The following POLR2F variants were observed in gnomAD, a reference collection of about 807,000 sequenced individuals.
POLR2F encodes RNA polymerase II, I and III subunit F.
POLR2F carries 12 observed loss-of-function variants against 22.7 expected under a neutral mutation model. The ratio of observed to expected loss-of-function variants is 0.53; its 90% CI spans 0.34 to 0.86. The LOEUF is 0.86. POLR2F is among the 40% of genes least tolerant of loss of function. The probability of loss-of-function intolerance (pLI) is 0.02; values close to 1 mark genes in which losing one functional copy is unlikely to be tolerated. For synonymous variants in POLR2F, 57 were observed against 66.0 expected, an observed-to-expected ratio of 0.86 and a Z score of 0.66; for missense variants, 126 against 171.5, an observed-to-expected ratio of 0.73 and a Z score of 1.48.
intron 4 of POLR2F, chr22:37,977,771 G>A (rs143872267): frequency 1.8e-3 from 2,363 of 1,344,884 alleles, no homozygotes; most frequent in Non-Finnish European, 2.3e-3. Context: ...AGCCTGGCAC[G>A]CTCTCCCTAG....
chr22:38,019,123 C>T (rs531325303), intron 1 of POLR2F, among the ~76,000 whole-genome samples: 5 of 151,630 alleles, frequency 3.3e-5, no homozygotes, highest in South Asian at 2.1e-4. Flanking sequence ...GGCTGTGTGT[C>T]GGTGGACTGG....
chr22:38,013,412 C>CT (rs2145812153), intron 1 of POLR2F, among the ~76,000 whole-genome samples: 1 of 152,340 alleles, frequency 6.6e-6, no homozygotes, highest in East Asian at 1.9e-4. Context: ...TCCCAGAGTG[C>CT]TGGGATCACA....
chr22:37,986,353 T>C lies in POLR2F; in HGVS notation c.120+41T>C. On this transcript the variant is annotated intron_variant, in intron 1 of 2. Coordinates refer to the POLR2F transcript ENST00000333418. This position sits in a 1 kb window ranked among gnomAD's most constrained non-coding sequence, Gnocchi z 4.7. ...TCCTTCCACCCCTCAGTTCCTCCTCTTTGAGGAAAGGACCTCCCCGCTCTC... is the reference window on the plus strand; with the variant it reads ...TCCTTCCACCCCTCAGTTCCTCCTCCTTGAGGAAAGGACCTCCCCGCTCTC... 1 of 1,529,408 alleles carries C rather than the reference T, an allele frequency of 6.5e-7. No individual in the cohort carries two copies. The highest frequency in any genetic ancestry group is 8.8e-7 in the Non-Finnish European group (1 of 1,142,686). The allele number at this position is 1,529,408 out of a possible 1,614,324, so 94.7% of individuals were successfully genotyped here.
chr22:38,004,714 T>A (rs2084805179), intron 1 of POLR2F, among the ~76,000 whole-genome samples: 1 of 152,128 alleles, frequency 6.6e-6, no homozygotes, highest in Admixed American at 6.6e-5. Context: ...GGGGGCCAAG[T>A]CGGGCAGATC....
At chr22:37,965,346 A>G (rs904466315) in intron 3 of POLR2F, among the ~76,000 whole-genome samples, 1 of 152,184 alleles carries the variant, frequency 6.6e-6, no homozygotes, top group Non-Finnish European at 1.5e-5. Context: ...ATGGGGTTTC[A>G]GTCTGGTTCA....
chr22:37,959,523 T>G (rs1300924140), intron 3 of POLR2F, 47 bp downstream of exon 3: 1 of 1,599,176 alleles, frequency 6.3e-7, no homozygotes, highest in South Asian at 1.1e-5. Context: ...CAGGCCACAG[T>G]AAGCTCTTGT....
intron 3 of POLR2F, among the ~76,000 whole-genome samples, chr22:37,963,574 G>A (rs1337454139): frequency 6.6e-6 from 1 of 152,196 alleles, no homozygotes; most frequent in Non-Finnish European, 1.5e-5. Context: ...AGTGTGTTCA[G>A]TAGCCACATG....
intron 1 of POLR2F, 118 bp downstream of exon 1, chr22:37,953,925 G>C (rs1601858668): frequency 1.6e-6 from 2 of 1,237,708 alleles, no homozygotes; most frequent in South Asian, 2.9e-5. Context: ...CTGGGGTCCT[G>C]AGGGGGCCGG....
At chr22:38,041,049 T>A (rs1569187900) in intron 5 of POLR2F, 2 of 1,612,872 alleles carry the variant, frequency 1.2e-6, no homozygotes, top group East Asian at 2.2e-5. Context: ...ACCGTAGTTA[T>A]CCCTGTGTTA....
chr22:37,967,851 T>C lies in POLR2F; in HGVS notation c.*136T>C, dbSNP rs1931920463. ...AATGTCACCACCTGTTGCTTCCCCGTTACCGCCATGCTGCGTGGAGCATGC... is the reference window on the plus strand; with the variant it reads ...AATGTCACCACCTGTTGCTTCCCCGCTACCGCCATGCTGCGTGGAGCATGC... On this transcript the variant is annotated 3_prime_UTR_variant, in exon 5 of 5. Coordinates refer to ENST00000442738, the MANE Select transcript of POLR2F (RefSeq NM_021974.5). The C allele has an allele frequency of 2.8e-6, 4 of 1,428,286 alleles. No homozygotes were observed. Among genetic ancestry groups the C allele is most frequent in the South Asian group, 1.5e-5 (1 of 67,434 alleles). The allele number at this position is 1,428,286 out of a possible 1,614,324, so 88.5% of individuals were successfully genotyped here. A position where few individuals can be genotyped will look rare whatever the true frequency, so the allele number is the denominator to read the frequency against.
At chr22:38,020,206 T>TACACAC (rs112285508) in intron 1 of POLR2F, among the ~76,000 whole-genome samples, 4,989 of 144,752 alleles carry the variant, frequency 0.034, 106 homozygotes, top group South Asian at 0.069. Context: ...CACACATATA[T>TACACAC]ACACACACAC....
chr22:37,983,247 A>C, upstream of POLR2F: 1 of 1,268,744 alleles, frequency 7.9e-7, no homozygotes, highest in Middle Eastern at 2.6e-4. The surrounding 1 kb of genome is among the most constrained non-coding windows in gnomAD (Gnocchi z 9.5). Context: ...CTATCCAAGG[A>C]GGACTGCCAG....
chr22:38,039,794 T>C (rs1009054868), intron 5 of POLR2F, among the ~76,000 whole-genome samples: 3 of 151,818 alleles, frequency 2.0e-5, no homozygotes, highest in East Asian at 1.9e-4. Flanking sequence ...GCGAGGGCCA[T>C]TGAGTTCAGC....
chr22:38,041,136 A>G, downstream of POLR2F: 3 of 1,612,570 alleles, frequency 1.9e-6, no homozygotes, highest in East Asian at 2.2e-5. Context: ...ACGGAAGTAC[A>G]TGGAATGCCA....
intron 1 of POLR2F, among the ~76,000 whole-genome samples, chr22:38,002,826 C>T (rs1283968820): frequency 2.8e-5 from 4 of 142,800 alleles, no homozygotes; most frequent in African/African-American, 5.2e-5. Context: ...CCTGGGTTCA[C>T]GCCATTCTCC....
upstream of POLR2F, chr22:37,984,296 C>T (rs939525899): frequency 1.3e-5 from 2 of 153,758 alleles, no homozygotes; most frequent in Non-Finnish European, 2.9e-5. This position sits in a 1 kb window ranked among gnomAD's most constrained non-coding sequence, Gnocchi z 4.4. Context: ...ACAGCAGGGT[C>T]CCAGGCCTGG....
chr22:37,970,872 A>G (rs898899499), downstream of POLR2F: 4 of 220,718 alleles, frequency 1.8e-5, no homozygotes, highest in Non-Finnish European at 2.8e-5. Context: ...CAAAACAAAA[A>G]CAGCATACAT....
At chr22:38,035,221 C>A in intron 5 of POLR2F, among the ~76,000 whole-genome samples, 1 of 152,222 alleles carries the variant, frequency 6.6e-6, no homozygotes, top group Non-Finnish European at 1.5e-5. Context: ...GTGGGTTATT[C>A]TGTAAATGGT....
At chr22:38,010,322 C>G (rs572302246) in intron 1 of POLR2F, among the ~76,000 whole-genome samples, 6 of 151,672 alleles carry the variant, frequency 4.0e-5, no homozygotes, top group African/African-American at 1.2e-4. Flanking sequence ...TTGCAGTGAG[C>G]TATGATTGCA....
Sources: gnomAD v4.1 joint callset for allele counts (sites outside exome capture counted in the v4.1 genomes callset) on GRCh38, gnomAD v4.1.1 for gene constraint, Gnocchi (gnomAD v3.1) non-coding constraint, MANE v1.5 for transcripts, NCBI Gene and HGNC (gene_info 2026-07-23, HGNC 2026-07-21) for gene names.